CCDC102B: variants seen among roughly 807,000 people sequenced by gnomAD.
CCDC102B encodes the protein coiled-coil domain containing 102B, also known as coiled-coil domain-containing protein 102B.
Under a neutral mutation model 57.4 loss-of-function variants are expected in CCDC102B, and 75 were observed. That is an observed-to-expected ratio of 1.31 (90% CI 1.08 to 1.58). The LOEUF (loss-of-function observed/expected upper bound fraction) is 1.58, where lower values mean the gene tolerates loss of function less well. Ranked by LOEUF, CCDC102B falls within the 40% of genes most tolerant of loss-of-function variation. The pLI is 0.00. For missense variants in CCDC102B, 636 were observed against 582.6 expected (o/e 1.09, Z -0.94); for synonymous variants, 206 against 201.9 (o/e 1.02, Z -0.17).
chr18:68,802,362 C>T (rs2035885103), intron 1 of CCDC102B, among the ~76,000 whole-genome samples: 1 of 152,164 alleles, frequency 6.6e-6, no homozygotes, highest in Non-Finnish European at 1.5e-5. Flanking sequence ...TTTATGATTG[C>T]ATGGATTAAA....
chr18:69,014,029 G>T (rs1432380276), intron 7 of CCDC102B, among the ~76,000 whole-genome samples: 1 of 152,056 alleles, frequency 6.6e-6, no homozygotes, highest in Admixed American at 6.6e-5. Flanking sequence ...GAATATGATT[G>T]TGACTCTACC....
chr18:68,766,405 CTT>C (rs1477001566), intron 2 of CCDC102B, among the ~76,000 whole-genome samples: 4 of 152,112 alleles, frequency 2.6e-5, no homozygotes, highest in Non-Finnish European at 5.9e-5. Flanking sequence ...TTTAGTTAAT[CTT>C]TGCAAAAATT....
At chr18:68,890,805 T>C (rs1408369616) in intron 5 of CCDC102B, among the ~76,000 whole-genome samples, 1 of 152,204 alleles carries the variant, frequency 6.6e-6, no homozygotes. Context: ...GTAGTAACAA[T>C]AGACTACTAC....
At chr18:68,981,893 C>T (rs1260246529) in intron 6 of CCDC102B, among the ~76,000 whole-genome samples, 3 of 151,768 alleles carry the variant, frequency 2.0e-5, no homozygotes, top group Non-Finnish European at 2.9e-5. Context: ...TTCCAAGTTC[C>T]TCCATGTCCC....
At chr18:68,807,792 T>A (rs548233585) in intron 1 of CCDC102B, among the ~76,000 whole-genome samples, 6 of 152,278 alleles carry the variant, frequency 3.9e-5, no homozygotes, top group African/African-American at 1.4e-4. Context: ...GGATTCTACT[T>A]TCTAGTTAAA....
intron 1 of CCDC102B, among the ~76,000 whole-genome samples, chr18:68,810,682 T>TTG (rs1194739676): frequency 0.4 from 6,750 of 16,930 alleles, 398 homozygotes; most frequent in South Asian, 0.53. Context: ...TTTTCTTTGT[T>TTG]TTTTTTTTTT....
chr18:68,765,439 AG>A (rs1409562792), intron 2 of CCDC102B, among the ~76,000 whole-genome samples: 1 of 151,522 alleles, frequency 6.6e-6, no homozygotes, highest in Non-Finnish European at 1.5e-5. Flanking sequence ...GAAAGAAGGA[AG>A]GAAGGAGAAA....
chr18:68,750,063 A>T (rs2033786581), intron 2 of CCDC102B, among the ~76,000 whole-genome samples: 1 of 152,168 alleles, frequency 6.6e-6, no homozygotes, highest in South Asian at 2.1e-4. Context: ...GAATCTACAA[A>T]GAACTCAAAC....
At chr18:68,765,708 C>T (rs948307398) in intron 2 of CCDC102B, among the ~76,000 whole-genome samples, 13 of 152,072 alleles carry the variant, frequency 8.5e-5, no homozygotes, top group African/African-American at 3.1e-4. Flanking sequence ...ATTTGCATCA[C>T]GGTGATTTGT....
chr18:68,765,600 C>G (rs186838162), intron 2 of CCDC102B, among the ~76,000 whole-genome samples: 1 of 151,996 alleles, frequency 6.6e-6, no homozygotes, highest in African/African-American at 2.4e-5. Flanking sequence ...CCTTATAGCC[C>G]CTTTTGGAAT....
At chr18:68,740,262 C>G (rs1332755911) in intron 2 of CCDC102B, among the ~76,000 whole-genome samples, 1 of 152,162 alleles carries the variant, frequency 6.6e-6, no homozygotes, top group Non-Finnish European at 1.5e-5. Flanking sequence ...TTATGTGATT[C>G]TCTAGAATTT....
At chr18:68,832,680 C>T (rs1461447443) in intron 1 of CCDC102B, among the ~76,000 whole-genome samples, 1 of 151,528 alleles carries the variant, frequency 6.6e-6, no homozygotes, top group African/African-American at 2.4e-5. Context: ...AGACAAAGGG[C>T]CACTAAGGGA....
intron 1 of CCDC102B, among the ~76,000 whole-genome samples, chr18:68,820,099 C>A (rs117311114): frequency 6.6e-6 from 1 of 151,906 alleles, no homozygotes; most frequent in East Asian, 1.9e-4. Flanking sequence ...TGTATAATAC[C>A]GAACAGTAGT....
chr18:68,838,670 G>A, intron 2 of CCDC102B, 36 bp from the exon 3 acceptor site: 1 of 1,589,514 alleles, frequency 6.3e-7, no homozygotes, highest in Non-Finnish European at 8.6e-7. Context: ...TTTTCTCCAG[G>A]AGGTTTAAAT....
chr18:68,913,194 T>G (rs557159728), intron 6 of CCDC102B, among the ~76,000 whole-genome samples: 1 of 152,302 alleles, frequency 6.6e-6, no homozygotes, highest in African/African-American at 2.4e-5. Context: ...TTTCTAATTC[T>G]CTCTAAATTA....
At chr18:68,762,402 G>T (rs1568237157) in intron 2 of CCDC102B, among the ~76,000 whole-genome samples, 1 of 151,660 alleles carries the variant, frequency 6.6e-6, no homozygotes, top group African/African-American at 2.4e-5. Flanking sequence ...TTTGTTTTTT[G>T]TTTTTGGTTT....
intron 6 of CCDC102B, among the ~76,000 whole-genome samples, chr18:68,991,844 G>A (rs2050876203): frequency 6.6e-6 from 1 of 152,042 alleles, no homozygotes; most frequent in Admixed American, 6.6e-5. Context: ...TATGCTATTA[G>A]AAAACAAGTC....
At chr18:69,021,608 G>A (rs1337206076) in intron 7 of CCDC102B, among the ~76,000 whole-genome samples, 1 of 152,180 alleles carries the variant, frequency 6.6e-6, no homozygotes, top group African/African-American at 2.4e-5. Flanking sequence ...TGTAACAAAT[G>A]TCAAGATGGC....
chr18:68,979,667 C>T (rs1042903592), intron 6 of CCDC102B, among the ~76,000 whole-genome samples: 6 of 151,946 alleles, frequency 3.9e-5, no homozygotes, highest in Non-Finnish European at 7.4e-5. Flanking sequence ...TGAAATGGAC[C>T]GTCATGCAAT....
Sources: allele counts gnomAD v4.1 joint callset (sites outside exome capture counted in the v4.1 genomes callset), GRCh38; gene constraint gnomAD v4.1.1; transcripts MANE v1.5; gene names NCBI Gene and HGNC (gene_info 2026-07-23, HGNC 2026-07-21).